EYA4: variants seen among roughly 807,000 people sequenced by gnomAD.
EYA4 encodes EYA transcriptional coactivator and phosphatase 4.
A neutral mutation model predicts 87.9 loss-of-function variants in EYA4; 31 were observed. The ratio of observed to expected loss-of-function variants is 0.35; its 90% CI spans 0.27 to 0.48. The LOEUF is 0.48. Ranked by LOEUF, EYA4 falls within the 20% of genes least tolerant of loss-of-function variation. The probability of loss-of-function intolerance (pLI) is 0.99; values close to 1 mark genes in which losing one functional copy is unlikely to be tolerated. For synonymous variants in EYA4, 263 were observed against 270.6 expected, an observed-to-expected ratio of 0.97 and a Z score of 0.28; for missense variants, 678 against 761.4, an observed-to-expected ratio of 0.89 and a Z score of 1.29.
At chr6:133,250,048 A>G (rs956679486) in intron 1 of EYA4, among the ~76,000 whole-genome samples, 8 of 152,196 alleles carry the variant, frequency 5.3e-5, no homozygotes, top group Non-Finnish European at 8.8e-5. Flanking sequence ...AGATTGTGAC[A>G]CTGAACATCC....
At chr6:133,431,472 C>T (rs1356106896) in intron 3 of EYA4, among the ~76,000 whole-genome samples, 2 of 152,194 alleles carry the variant, frequency 1.3e-5, no homozygotes, top group Non-Finnish European at 2.9e-5. Flanking sequence ...AGATCTACTA[C>T]AATAAATAGG....
At chr6:133,356,466 G>A (rs1397924146) in intron 2 of EYA4, among the ~76,000 whole-genome samples, 2 of 152,036 alleles carry the variant, frequency 1.3e-5, no homozygotes, top group Non-Finnish European at 2.9e-5. Context: ...GAATTCCATG[G>A]TACTTTTCCT....
intron 3 of EYA4, among the ~76,000 whole-genome samples, chr6:133,417,492 T>C (rs1207838043): frequency 6.6e-6 from 1 of 152,122 alleles, no homozygotes; most frequent in East Asian, 1.9e-4. Flanking sequence ...ATATGACATA[T>C]ATTCAATATA....
At chr6:133,394,635 G>T (rs1251202854) in intron 3 of EYA4, among the ~76,000 whole-genome samples, 1 of 151,936 alleles carries the variant, frequency 6.6e-6, no homozygotes, top group African/African-American at 2.4e-5. Flanking sequence ...GTCTCAGAAT[G>T]TTTTGTCTTA....
chr6:133,522,198 G>A (rs904029298), intron 17 of EYA4, among the ~76,000 whole-genome samples: 1 of 133,426 alleles, frequency 7.5e-6, no homozygotes, highest in African/African-American at 2.7e-5. Flanking sequence ...TATACTTTAA[G>A]TTCTAGGGTA....
rs747857997 is a variant in EYA4 at position 133,456,655 on chromosome 6, C to T, written c.370+7C>T. The stretch of plus-strand genomic sequence containing the variant: ...GACACTTTTACTGGGTCAGGTAAAG[C>T]CTTTAGCTCGTGTGTCCTTACGTAC... On this transcript the variant is annotated splice_region_variant and intron_variant, in intron 6 of 19. Coordinates refer to ENST00000355286, the MANE Select transcript of EYA4 (RefSeq NM_004100.5). The T allele has an allele frequency of 6.3e-7, 1 of 1,594,802 alleles. No homozygotes were observed. The highest frequency in any genetic ancestry group is 1.1e-5 in the South Asian group (1 of 90,722).
At chr6:133,345,208 GA>G (rs1488943744) in intron 2 of EYA4, among the ~76,000 whole-genome samples, 3 of 152,052 alleles carry the variant, frequency 2.0e-5, no homozygotes, top group Non-Finnish European at 4.4e-5. Flanking sequence ...TGCTATGAAA[GA>G]AAAATTATTA....
At chr6:133,476,100 G>A (rs1263996214) in intron 11 of EYA4, among the ~76,000 whole-genome samples, 3 of 152,086 alleles carry the variant, frequency 2.0e-5, no homozygotes, top group Non-Finnish European at 4.4e-5. Context: ...AGGCTGAGGC[G>A]AGAAGATTGC....
chr6:133,481,099 T>A (rs1396584262), intron 11 of EYA4, among the ~76,000 whole-genome samples: 2 of 152,012 alleles, frequency 1.3e-5, no homozygotes, highest in Non-Finnish European at 2.9e-5. Flanking sequence ...GAGTCAGGTT[T>A]GCAGGTGGAG....
intron 13 of EYA4, among the ~76,000 whole-genome samples, chr6:133,491,714 G>A (rs529580718): frequency 1.1e-3 from 167 of 152,190 alleles, no homozygotes; most frequent in African/African-American, 3.8e-3. Context: ...CACTTTGGGA[G>A]GCCGAGGTGG....
chr6:133,495,685 A>G (rs1797595671), intron 13 of EYA4, among the ~76,000 whole-genome samples: 1 of 152,154 alleles, frequency 6.6e-6, no homozygotes, highest in Non-Finnish European at 1.5e-5. Context: ...AAGAATGGCC[A>G]TGCCTTAGAT....
intron 3 of EYA4, among the ~76,000 whole-genome samples, chr6:133,442,150 T>G (rs1199898481): frequency 6.6e-6 from 1 of 152,154 alleles, no homozygotes; most frequent in African/African-American, 2.4e-5. Flanking sequence ...AGGTCTGCTT[T>G]TATTTACTGT....
intron 2 of EYA4, among the ~76,000 whole-genome samples, chr6:133,324,658 C>T (rs1381766523): frequency 6.6e-6 from 1 of 151,938 alleles, no homozygotes; most frequent in East Asian, 1.9e-4. Context: ...AGATAGGAGA[C>T]CAATACCAGG....
chr6:133,474,879 C>T (rs1795590134), intron 11 of EYA4, among the ~76,000 whole-genome samples: 1 of 152,104 alleles, frequency 6.6e-6, no homozygotes, highest in Admixed American at 6.6e-5. Flanking sequence ...TTTCATAGAA[C>T]AGTCACTGCT....
intron 3 of EYA4, among the ~76,000 whole-genome samples, chr6:133,444,782 A>T (rs1453074131): frequency 1.3e-5 from 2 of 152,216 alleles, no homozygotes; most frequent in Non-Finnish European, 2.9e-5. Context: ...AGCTATGGGA[A>T]TGAGTTCTTC....
chr6:133,349,498 A>G (rs1261425653), intron 2 of EYA4, among the ~76,000 whole-genome samples: 2 of 152,244 alleles, frequency 1.3e-5, no homozygotes, highest in South Asian at 2.1e-4. Context: ...GAATGAAAGA[A>G]TGGCATTTGA....
At chr6:133,402,906 G>T (rs1788385207) in intron 3 of EYA4, among the ~76,000 whole-genome samples, 1 of 152,210 alleles carries the variant, frequency 6.6e-6, no homozygotes, top group South Asian at 2.1e-4. Flanking sequence ...ATTATCTGAT[G>T]TTTCCATGAA....
Position 133,395,667 on chromosome 6 carries a change from A to G in EYA4, c.83+13226A>G, listed in dbSNP as rs1292575863. Among the ~76,000 whole-genome samples, 3 of 152,242 alleles carry G rather than the reference A, an allele frequency of 2.0e-5. No homozygotes were observed. The East Asian group carries it at 5.8e-4, about 29-fold the overall frequency. ...TCCCTGGTACTCAGCAGGCTGAGACAGAAGAATCGCTTGAACCCGAGAGGT... is the reference window on the plus strand; with the variant it reads ...TCCCTGGTACTCAGCAGGCTGAGACGGAAGAATCGCTTGAACCCGAGAGGT... On this transcript the variant is annotated intron_variant, in intron 3 of 19. Transcript: ENST00000355286.
intron 3 of EYA4, among the ~76,000 whole-genome samples, chr6:133,386,741 G>T (rs1033588410): frequency 6.6e-6 from 1 of 152,180 alleles, no homozygotes; most frequent in Non-Finnish European, 1.5e-5. Flanking sequence ...TCCTTTAGTA[G>T]CTTTGTTTCA....
Sources: allele counts gnomAD v4.1 joint callset (sites outside exome capture counted in the v4.1 genomes callset), GRCh38; gene constraint gnomAD v4.1.1; transcripts MANE v1.5; gene names NCBI Gene and HGNC (gene_info 2026-07-23, HGNC 2026-07-21).